The following CCDC141 variants were observed in gnomAD, a reference collection of about 807,000 sequenced individuals.
CCDC141 encodes coiled-coil domain containing 141.
A neutral mutation model predicts 181.0 loss-of-function variants in CCDC141; 168 were observed. The ratio of observed to expected loss-of-function variants is 0.93; its 90% confidence interval spans 0.82 to 1.05. The LOEUF (loss-of-function observed/expected upper bound fraction) is 1.05. Among genes scored for constraint, CCDC141 ranks in the 50% least tolerant of loss-of-function variants. The pLI, the probability that CCDC141 is intolerant of heterozygous loss-of-function variation, is 0.00. For missense variants in CCDC141, 1,902 were observed against 1,788.5 expected, an observed-to-expected ratio of 1.06 and a Z score of -1.14; for synonymous variants, 666 against 642.3, an observed-to-expected ratio of 1.04 and a Z score of -0.56.
intron 2 of CCDC141, among the ~76,000 whole-genome samples, chr2:179,004,535 T>C (rs1201211049): frequency 1.3e-5 from 2 of 152,160 alleles, no homozygotes; most frequent in African/African-American, 2.4e-5. Context: ...AAATACTTTA[T>C]TGTCAATTTG....
intron 6 of CCDC141, among the ~76,000 whole-genome samples, chr2:178,939,401 A>G (rs1334933590): frequency 6.6e-6 from 1 of 152,140 alleles, no homozygotes; most frequent in Admixed American, 6.6e-5. Context: ...TCTACATACA[A>G]TAAGGTTGGA....
rs1277510067 is a variant in CCDC141 at position 179,047,517 on chromosome 2, T to C, written c.103-111A>G. ...ATTTCCAGTTATACTGTAAACACTT[T>C]TTTCTATTTTCTATTTTTTTCCATT... On this transcript the variant is annotated intron_variant, in intron 1 of 23. Coordinates refer to ENST00000443758, the MANE Select transcript of CCDC141 (RefSeq NM_173648.4). 4 of 909,960 alleles carry C rather than the reference T, an allele frequency of 4.4e-6. No homozygotes were observed. In the East Asian group the frequency reaches 1.2e-4, roughly 28 times the overall value. 56.4% of individuals were successfully genotyped at this position (909,960 alleles called of 1,614,324 possible). A position where few individuals can be genotyped will look rare whatever the true frequency, so the allele number is the denominator to read the frequency against.
At chr2:179,013,971 A>AAG (rs2042350778) in intron 2 of CCDC141, among the ~76,000 whole-genome samples, 1 of 149,338 alleles carries the variant, frequency 6.7e-6, no homozygotes, top group Non-Finnish European at 1.5e-5. Flanking sequence ...AAAAAAAAAA[A>AAG]AAAAAAAAAA....
intron 2 of CCDC141, among the ~76,000 whole-genome samples, chr2:178,994,848 A>G (rs1357686462): frequency 6.6e-6 from 1 of 152,210 alleles, no homozygotes; most frequent in East Asian, 1.9e-4. Flanking sequence ...TCTATAGGGC[A>G]GGGGCAAAAT....
chr2:178,979,537 C>T (rs542347066), intron 2 of CCDC141, among the ~76,000 whole-genome samples: 2 of 152,154 alleles, frequency 1.3e-5, no homozygotes, highest in South Asian at 4.1e-4. Context: ...AAAAGACAAA[C>T]ACTATCAGAG....
intron 2 of CCDC141, among the ~76,000 whole-genome samples, chr2:179,023,111 A>G (rs890892510): frequency 1.3e-5 from 2 of 152,156 alleles, no homozygotes; most frequent in African/African-American, 4.8e-5. Flanking sequence ...AGGGCAAATG[A>G]CTGTATATAC....
intron 21 of CCDC141, among the ~76,000 whole-genome samples, chr2:178,848,760 C>T (rs940313016): frequency 6.6e-6 from 1 of 152,000 alleles, no homozygotes; most frequent in South Asian, 2.1e-4. Context: ...GAAGCAGCAG[C>T]AGCTCCTCGG....
intron 2 of CCDC141, among the ~76,000 whole-genome samples, chr2:178,987,344 A>C (rs1323544418): frequency 6.6e-6 from 1 of 152,302 alleles, no homozygotes; most frequent in East Asian, 1.9e-4. Flanking sequence ...CTTAAACATT[A>C]GACCTAAAAC....
intron 8 of CCDC141, among the ~76,000 whole-genome samples, chr2:178,903,790 A>G (rs1448115794): frequency 6.6e-6 from 1 of 152,070 alleles, no homozygotes; most frequent in East Asian, 1.9e-4. Context: ...AAAAAAAGAA[A>G]GGAACCTTTC....
At chr2:179,012,140 GAAAC>G (rs1430492696) in intron 2 of CCDC141, among the ~76,000 whole-genome samples, 5 of 152,102 alleles carry the variant, frequency 3.3e-5, no homozygotes, top group Admixed American at 6.6e-5. Context: ...AAATGAAATT[GAAAC>G]AAACAAACAA....
At chr2:178,964,743 C>G (rs545761124) in intron 4 of CCDC141, among the ~76,000 whole-genome samples, 1 of 152,248 alleles carries the variant, frequency 6.6e-6, no homozygotes, top group Admixed American at 6.5e-5. Flanking sequence ...GTTGATCTTA[C>G]AAAGTGATGT....
chr2:179,003,212 T>C (rs1188354106), intron 2 of CCDC141, among the ~76,000 whole-genome samples: 1 of 152,190 alleles, frequency 6.6e-6, no homozygotes, highest in Non-Finnish European at 1.5e-5. Flanking sequence ...AAAGATTATG[T>C]TTTCCAACAA....
At chr2:178,970,783 A>G (rs1242911290) in intron 4 of CCDC141, among the ~76,000 whole-genome samples, 1 of 152,260 alleles carries the variant, frequency 6.6e-6, no homozygotes, top group Non-Finnish European at 1.5e-5. Context: ...ATCTAATTAA[A>G]CTAAAGAACT....
At chr2:178,904,013 G>C (rs1687840169) in intron 8 of CCDC141, among the ~76,000 whole-genome samples, 2 of 152,050 alleles carry the variant, frequency 1.3e-5, no homozygotes, top group Non-Finnish European at 2.9e-5. Context: ...TACCCCATAG[G>C]ATCTTTTCTG....
chr2:178,950,226 CA>C (rs976055402), intron 5 of CCDC141, among the ~76,000 whole-genome samples: 4 of 152,144 alleles, frequency 2.6e-5, no homozygotes, highest in East Asian at 1.9e-4. Context: ...TGGCAATTAC[CA>C]AAAACACACA....
At chr2:178,886,712 AC>A (rs1686902695) in intron 10 of CCDC141, 39 bp downstream of exon 10, 1 of 1,261,518 alleles carries the variant, frequency 7.9e-7, no homozygotes, top group African/African-American at 1.6e-5. Flanking sequence ...AATTATCTTT[AC>A]AAAATTATAG....
intron 2 of CCDC141, among the ~76,000 whole-genome samples, chr2:179,025,541 A>C (rs985417594): frequency 6.6e-6 from 1 of 152,210 alleles, no homozygotes; most frequent in Non-Finnish European, 1.5e-5. Flanking sequence ...CCCCAGCCAC[A>C]TGGAACTGTA....
intron 2 of CCDC141, among the ~76,000 whole-genome samples, chr2:178,989,428 T>C (rs1036763270): frequency 6.6e-6 from 1 of 151,488 alleles, no homozygotes; most frequent in African/African-American, 2.4e-5. Flanking sequence ...ACTCCATCTC[T>C]ACTAAAAATT....
At chr2:178,820,896 T>C in the CCDC141 span, among the ~76,000 whole-genome samples, 1 of 152,132 alleles carries the variant, frequency 6.6e-6, no homozygotes, top group African/African-American at 2.4e-5. Flanking sequence ...TATAAGGGTA[T>C]CTATCTATGA....
Sources: allele counts gnomAD v4.1 joint callset (sites outside exome capture counted in the v4.1 genomes callset), GRCh38; gene constraint gnomAD v4.1.1; transcripts MANE v1.5; gene names NCBI Gene and HGNC (gene_info 2026-07-23, HGNC 2026-07-21).